TAS2R1: variants seen among roughly 807,000 people sequenced by gnomAD.
TAS2R1 encodes the protein taste receptor type 2 member 1.
For synonymous variants in TAS2R1, 141 were observed against 134.2 expected (o/e 1.05, Z -0.35); for missense variants, 370 against 353.4 (o/e 1.05, Z -0.38).
At chr5:9,861,546 G>C in the TAS2R1 span, among the ~76,000 whole-genome samples, 1 of 152,182 alleles carries the variant, frequency 6.6e-6, no homozygotes, top group Non-Finnish European at 1.5e-5. Flanking sequence ...AAAGGCACTT[G>C]TTTCAGAGTC....
At chr5:9,876,708 TATA>T in the TAS2R1 span, among the ~76,000 whole-genome samples, 7 of 152,178 alleles carry the variant, frequency 4.6e-5, no homozygotes, top group Non-Finnish European at 8.8e-5. Context: ...ATCGTAACAT[TATA>T]ATGACTTCTT....
At chr5:9,781,624 G>T in the TAS2R1 span, among the ~76,000 whole-genome samples, 9 of 152,208 alleles carry the variant, frequency 5.9e-5, no homozygotes, top group African/African-American at 2.2e-4. Context: ...TGCTGTATGT[G>T]TAAACCACTC....
At chr5:9,828,116 T>C in the TAS2R1 span, among the ~76,000 whole-genome samples, 1 of 152,104 alleles carries the variant, frequency 6.6e-6, no homozygotes, top group African/African-American at 2.4e-5. Flanking sequence ...TAGGTCTTTT[T>C]TATTTTTATT....
chr5:9,677,384 C>T (rs922568376), intron 1 of TAS2R1, among the ~76,000 whole-genome samples: 2 of 151,844 alleles, frequency 1.3e-5, no homozygotes, highest in Admixed American at 1.3e-4. Flanking sequence ...AACAACAAAC[C>T]TGTACTTGTA....
the TAS2R1 span, among the ~76,000 whole-genome samples, chr5:9,750,189 C>T: frequency 2.0e-5 from 3 of 152,198 alleles, no homozygotes; most frequent in African/African-American, 7.2e-5. Context: ...CACCCCTCTA[C>T]GGAGGACCAG....
the TAS2R1 span, among the ~76,000 whole-genome samples, chr5:9,742,926 CA>C: frequency 2.0e-5 from 3 of 151,946 alleles, no homozygotes; most frequent in African/African-American, 7.3e-5. Flanking sequence ...GTCAGAGAAA[CA>C]GTCAGAGAAA....
At chr5:9,879,490 T>G in the TAS2R1 span, among the ~76,000 whole-genome samples, 5 of 152,182 alleles carry the variant, frequency 3.3e-5, no homozygotes, top group Non-Finnish European at 5.9e-5. Context: ...TGTCCATACT[T>G]CTCCGGACAT....
chr5:9,696,753 A>C (rs1373075801), intron 1 of TAS2R1, among the ~76,000 whole-genome samples: 1 of 151,716 alleles, frequency 6.6e-6, no homozygotes, highest in African/African-American at 2.4e-5. Context: ...GTGGCTCATG[A>C]CTGTAATCCC....
At chr5:9,641,169 A>C (rs1424656313) in intron 2 of TAS2R1, 5 of 152,204 alleles carry the variant, frequency 3.3e-5, no homozygotes, top group Non-Finnish European at 4.4e-5. Flanking sequence ...TGCACCAAAG[A>C]CTTAAAAGAA....
the TAS2R1 span, among the ~76,000 whole-genome samples, chr5:9,859,428 G>A: frequency 6.6e-6 from 1 of 152,182 alleles, no homozygotes; most frequent in African/African-American, 2.4e-5. Context: ...CATAGAGTGG[G>A]CTTGATCATC....
the TAS2R1 span, among the ~76,000 whole-genome samples, chr5:9,757,576 T>G: frequency 1.3e-5 from 2 of 152,216 alleles, no homozygotes; most frequent in South Asian, 4.1e-4. Context: ...TATAGACTCT[T>G]CAGCATGTAG....
chr5:9,827,305 C>T, the TAS2R1 span, among the ~76,000 whole-genome samples: 1 of 152,182 alleles, frequency 6.6e-6, no homozygotes, highest in East Asian at 1.9e-4. Context: ...CACGACATCG[C>T]TGTACATCCA....
At chr5:9,747,179 T>A in the TAS2R1 span, among the ~76,000 whole-genome samples, 15 of 152,128 alleles carry the variant, frequency 9.9e-5, no homozygotes, top group Non-Finnish European at 1.8e-4. Context: ...GACAAAAGAT[T>A]GGGCATTGGA....
At chr5:9,875,847 G>T in the TAS2R1 span, among the ~76,000 whole-genome samples, 1 of 152,188 alleles carries the variant, frequency 6.6e-6, no homozygotes, top group Non-Finnish European at 1.5e-5. Context: ...ACCTTGGTGA[G>T]TCCCGGAAAA....
chr5:9,656,498 G>T (rs1421804700), intron 2 of TAS2R1, among the ~76,000 whole-genome samples: 1 of 152,164 alleles, frequency 6.6e-6, no homozygotes, highest in African/African-American at 2.4e-5. Flanking sequence ...CCTAAAGCAG[G>T]AGAAGATCAA....
At chr5:9,774,626 A>T in the TAS2R1 span, among the ~76,000 whole-genome samples, 2 of 152,268 alleles carry the variant, frequency 1.3e-5, no homozygotes, top group Admixed American at 6.5e-5. Flanking sequence ...GCTTTTGGTC[A>T]TGTAGCCATA....
the TAS2R1 span, among the ~76,000 whole-genome samples, chr5:9,717,724 T>C: frequency 3.3e-5 from 5 of 151,974 alleles, no homozygotes; most frequent in Non-Finnish European, 7.4e-5. Context: ...AACATAAAAG[T>C]AGATCCATCC....
chr5:9,685,658 C>A (rs539107057), intron 1 of TAS2R1, among the ~76,000 whole-genome samples: 1 of 152,262 alleles, frequency 6.6e-6, no homozygotes, highest in South Asian at 2.1e-4. Context: ...GGCTTCTGTG[C>A]AAACACCCAT....
the TAS2R1 span, among the ~76,000 whole-genome samples, chr5:9,861,137 A>T: frequency 6.8e-6 from 1 of 147,292 alleles, no homozygotes; most frequent in African/African-American, 2.5e-5. Flanking sequence ...TTACATTTTT[A>T]AAATTCACAC....
Sources: allele counts gnomAD v4.1 joint callset (sites outside exome capture counted in the v4.1 genomes callset), GRCh38; gene constraint gnomAD v4.1.1; transcripts MANE v1.5; gene names NCBI Gene and HGNC (gene_info 2026-07-23, HGNC 2026-07-21).